Variants in GALNT6 observed in about 807,000 individuals in gnomAD.
The protein encoded by GALNT6 is GalNAc transferase 6.
A neutral mutation model predicts 65.9 loss-of-function variants in GALNT6; 51 were observed. That is an observed-to-expected ratio of 0.77 (90% confidence interval 0.62 to 0.98). The LOEUF is 0.98. Among genes scored for constraint, GALNT6 ranks in the 50% least tolerant of loss-of-function variants. The probability of loss-of-function intolerance (pLI) is 0.00; values close to 1 mark genes in which losing one functional copy is unlikely to be tolerated. For synonymous variants in GALNT6, 323 were observed against 315.1 expected, an observed-to-expected ratio of 1.02 and a Z score of -0.26; for missense variants, 708 against 803.3, an observed-to-expected ratio of 0.88 and a Z score of 1.43.
rs777844239 is a variant in GALNT6, at chr12:51,379,402, G to A, written c.380C>T (p.Pro127Leu). The change falls in exon 3 of 12, where the codon CCC becomes CTC. Residue 127 changes from proline to leucine, a missense_variant. By Grantham distance (98) the Pro-to-Leu change is moderately conservative. Transcript: ENST00000356317. Reference protein sequence around the residue: ...GKAFQKSKWTPLETQEKEEGY... With the variant: ...GKAFQKSKWTLLETQEKEEGY... ...TTCTTCCTTTTCCTGGGTCTCCAGG[G>A]GGGTCCACTTGCTCTTCTGAAATGC... 66 of 1,606,980 alleles carry A rather than the reference G, an allele frequency of 4.1e-5. No individual in the cohort carries two copies. The South Asian group carries it at 6.6e-4, about 16-fold the overall frequency.
rs746557091 is a variant in GALNT6 at position 51,377,248 on chromosome 12, G to A, written c.611C>T (p.Thr204Ile). 167 of 1,613,928 alleles carry A rather than the reference G, an allele frequency of 1.0e-4. No individual in the cohort carries two copies. Among genetic ancestry groups the A allele is most frequent in the Non-Finnish European group, 1.4e-4 (160 of 1,180,000 alleles). Residue 204 changes from threonine (T) to isoleucine (I), a missense_variant, in exon 4 of 12, where the codon ACC becomes ATC. By Grantham distance (89) the Thr-to-Ile change is moderately conservative (BLOSUM62 -1). Coordinates refer to ENST00000356317, the MANE Select transcript of GALNT6 (RefSeq NM_007210.4). ...LRTVYSVLHT[T>I]PAILLKEIIL... Reference sequence around the variant, plus strand: ...GATCTCCTTGAGCAAGATGGCAGGGGTGGTGTGTAGGACGCTGTACACTGT... The same window carrying A: ...GATCTCCTTGAGCAAGATGGCAGGGATGGTGTGTAGGACGCTGTACACTGT...
chr12:51,382,099 C>T (rs1048286030), intron 2 of GALNT6, among the ~76,000 whole-genome samples: 28 of 152,252 alleles, frequency 1.8e-4, no homozygotes, highest in African/African-American at 6.3e-4. Flanking sequence ...TCAGCAGCAC[C>T]GTCAAAAATC....
At chr12:51,373,450 C>A (rs1282071890) in intron 4 of GALNT6, among the ~76,000 whole-genome samples, 1 of 152,136 alleles carries the variant, frequency 6.6e-6, no homozygotes, top group Non-Finnish European at 1.5e-5. Context: ...CCTGACACCT[C>A]ATGAGGAAGG....
Position 51,360,796 on chromosome 12 carries a change from G to A in GALNT6, c.1092C>T (p.Ser364=). The change falls in exon 7 of 12, where the codon TCC becomes TCT. Residue 364 remains serine (S), a synonymous_variant. Transcript: ENST00000356317. ...FAGGLFSISK[S]YFEHIGTYDN... is the part of the protein sequence containing the mutation. ...CATAGGTACCGATGTGCTCAAAGTAGGACTTGGAGATGGAGAAGAGGCCAC... is the reference window on the plus strand; with the variant it reads ...CATAGGTACCGATGTGCTCAAAGTAAGACTTGGAGATGGAGAAGAGGCCAC... 1 of 1,613,744 alleles carries A rather than the reference G, an allele frequency of 6.2e-7. No homozygotes were observed. Among genetic ancestry groups the A allele is most frequent in the Non-Finnish European group, 8.5e-7 (1 of 1,179,664 alleles).
At chr12:51,385,759 GA>G (rs1182947674) in intron 2 of GALNT6, among the ~76,000 whole-genome samples, 12 of 122,656 alleles carry the variant, frequency 9.8e-5, no homozygotes, top group African/African-American at 3.1e-4. Flanking sequence ...CTGGACCAGA[GA>G]GGCCATGCCA....
chr12:51,354,108 C>T lies in GALNT6; in HGVS notation c.*271G>A, dbSNP rs1464593510. 51 of 362,940 alleles carry T rather than the reference C, an allele frequency of 1.4e-4. No individual in the cohort carries two copies. Among genetic ancestry groups the T allele is most frequent in the Non-Finnish European group, 2.9e-5 (6 of 204,932 alleles). The allele number at this position is 362,940 out of a possible 1,614,324, so 22.5% of individuals were successfully genotyped here. Reference sequence around the variant, plus strand: ...CAGCATTGCTGCCCTGAACCCTCCCCCAGCTGCCTTCCCTACTTTGGGAGC... The same window carrying T: ...CAGCATTGCTGCCCTGAACCCTCCCTCAGCTGCCTTCCCTACTTTGGGAGC... On this transcript the variant is annotated 3_prime_UTR_variant, in exon 12 of 12. Coordinates refer to ENST00000356317, the MANE Select transcript of GALNT6 (RefSeq NM_007210.4).
intron 3 of GALNT6, among the ~76,000 whole-genome samples, chr12:51,377,992 A>G (rs1453961030): frequency 1.3e-5 from 2 of 151,978 alleles, no homozygotes; most frequent in Admixed American, 6.6e-5. Flanking sequence ...TTGACACTCT[A>G]TCTCAGGGTT....
In GALNT6 at chr12:51,364,174, T is replaced by C. The variant is rs1169285241; in HGVS notation, c.996A>G (p.Glu332=). 1 of 1,614,020 alleles carries C rather than the reference T, an allele frequency of 6.2e-7. No homozygotes were observed. The highest frequency in any genetic ancestry group is 1.3e-5 in the African/African-American group (1 of 74,896). The part of the protein sequence containing the change: ...NFDWSLTFGW[E]TLPPHEKQRR... ...TCTGCTTCTCATGTGGAGGAAGTGT[T>C]TCCCAGCCGAAGGTCAGGCTCCAGT... is the stretch of plus-strand genomic sequence containing the variant. The change falls in exon 6 of 12, where the codon GAA becomes GAG. Residue 332 remains glutamate (E), a synonymous_variant. Transcript: ENST00000356317.
chr12:51,379,859 T>G lies in GALNT6; in HGVS notation c.-78A>C, dbSNP rs1282633339. ...ACCCTGGAGATAGCTTGATACGTTGTGGTGGCCACAAGCTGGGGCCTCAGC... is the reference window on the plus strand; with the variant it reads ...ACCCTGGAGATAGCTTGATACGTTGGGGTGGCCACAAGCTGGGGCCTCAGC... On this transcript the variant is annotated 5_prime_UTR_variant, in exon 3 of 12. Transcript: ENST00000356317. The G allele has an allele frequency of 7.1e-7, 1 of 1,407,952 alleles. No homozygotes were observed. The highest frequency in any genetic ancestry group is 1.4e-5 in the African/African-American group (1 of 69,978). The allele number at this position is 1,407,952 out of a possible 1,614,324, so 87.2% of individuals were successfully genotyped here. A position where few individuals can be genotyped will look rare whatever the true frequency, so the allele number is the denominator to read the frequency against.
At position 51,379,299 on chromosome 12, in the gene GALNT6, T is replaced by A. The variant is rs762919003; in HGVS notation, c.483A>T (p.Arg161=). The A allele has an allele frequency of 6.6e-7, 1 of 1,522,134 alleles. No individual in the cohort carries two copies. 94.3% of individuals were successfully genotyped at this position (1,522,134 alleles called of 1,614,324 possible). The change falls in exon 3 of 12, where the codon CGA becomes CGT. Residue 161 remains arginine, a synonymous_variant. Coordinates refer to ENST00000356317, the MANE Select transcript of GALNT6 (RefSeq NM_007210.4). ...SLQRSLGPDT[R]PPECVDQKFR... Reference sequence around the variant, plus strand: ...CTCTGGGTGCTACTTACTCAGGTGGTCGGGTGTCTGGCCCCAGGGACCTCT... The same window carrying A: ...CTCTGGGTGCTACTTACTCAGGTGGACGGGTGTCTGGCCCCAGGGACCTCT...
intron 4 of GALNT6, among the ~76,000 whole-genome samples, chr12:51,370,070 T>C (rs1947241103): frequency 1.3e-5 from 2 of 152,134 alleles, no homozygotes; most frequent in African/African-American, 4.8e-5. Context: ...ATCCAGCAAT[T>C]CCACTTTTGG....
intron 9 of GALNT6, 81 bp downstream of exon 9, chr12:51,358,049 T>A: frequency 1.5e-6 from 2 of 1,326,278 alleles, no homozygotes; most frequent in Non-Finnish European, 2.1e-6. Flanking sequence ...TTGTTTGTCA[T>A]CCATCTGTGG....
At position 51,352,779 on chromosome 12, in the gene GALNT6, C is replaced by T. The variant is rs969749013; in HGVS notation, c.*1600G>A. ...TTCCGCCTCCCAGATTTAAGCAATT[C>T]TCCTGCCTCAGCCTCTTGAGTAGCT... On this transcript the variant is annotated 3_prime_UTR_variant, in exon 12 of 12. Coordinates refer to ENST00000356317, the MANE Select transcript of GALNT6 (RefSeq NM_007210.4). 2.0e-5 allele frequency: 3 copies of T among 152,272 alleles called. No individual in the cohort carries two copies. Among genetic ancestry groups the T allele is most frequent in the African/African-American group, 7.2e-5 (3 of 41,452 alleles). The allele number at this position is 152,272 out of a possible 1,614,324, so 9.4% of individuals were successfully genotyped here. A position where few individuals can be genotyped will look rare whatever the true frequency, so the allele number is the denominator to read the frequency against.
At chr12:51,386,792 T>C (rs1330632491) in intron 2 of GALNT6, among the ~76,000 whole-genome samples, 1 of 152,182 alleles carries the variant, frequency 6.6e-6, no homozygotes, top group Non-Finnish European at 1.5e-5. Flanking sequence ...ATGACCGTCC[T>C]TTCTTCCTCA....
chr12:51,373,693 C>A (rs929153871), intron 4 of GALNT6, among the ~76,000 whole-genome samples: 4 of 152,134 alleles, frequency 2.6e-5, no homozygotes, highest in Non-Finnish European at 5.9e-5. Flanking sequence ...TGCTTGCTTC[C>A]ATTCCATACA....
In GALNT6 at chr12:51,359,291, A is replaced by G; in HGVS notation, c.1209T>C (p.Ser403=). 6.2e-7 allele frequency: 1 copy of G among 1,613,362 alleles called. No homozygotes were observed. Among genetic ancestry groups the G allele is most frequent in the Non-Finnish European group, 8.5e-7 (1 of 1,179,622 alleles). ...TGGTCCGGAACACATGGCCTACGACAGAGCAGGGGATGATCTCCAGCTGGC... is the reference window on the plus strand; with the variant it reads ...TGGTCCGGAACACATGGCCTACGACGGAGCAGGGGATGATCTCCAGCTGGC... ...CGGQLEIIPC[S]VVGHVFRTKS... is the part of the protein sequence containing the mutation. Residue 403 remains serine, a synonymous_variant, in exon 8 of 12, where the codon TCT becomes TCC. Transcript: ENST00000356317.
chr12:51,367,739 C>T (rs1947154869), intron 4 of GALNT6, among the ~76,000 whole-genome samples: 1 of 152,214 alleles, frequency 6.6e-6, no homozygotes, highest in Non-Finnish European at 1.5e-5. Context: ...TGATCTCCCA[C>T]AAATGCACGC....
At chr12:51,361,364 C>A (rs1946919780) in intron 6 of GALNT6, among the ~76,000 whole-genome samples, 1 of 152,240 alleles carries the variant, frequency 6.6e-6, no homozygotes, top group African/African-American at 2.4e-5. Context: ...AGGGCCCCTG[C>A]CCCTCAGGGA....
intron 1 of GALNT6, 36 bp from the exon 2 acceptor site, chr12:51,390,973 A>T (rs190359558): frequency 6.6e-6 from 1 of 152,458 alleles, no homozygotes; most frequent in East Asian, 1.9e-4. Flanking sequence ...AGTCACAGTC[A>T]TGAACACCCA....
Sources: allele counts gnomAD v4.1 joint callset (sites outside exome capture counted in the v4.1 genomes callset), GRCh38; gene constraint gnomAD v4.1.1; transcripts MANE v1.5; gene names NCBI Gene and HGNC (gene_info 2026-07-23, HGNC 2026-07-21).